Variants in RYR1 observed in about 807,000 individuals in gnomAD.
RYR1 encodes central core disease of muscle.
Under a neutral mutation model 583.5 loss-of-function variants are expected in RYR1, and 342 were observed. The observed-to-expected ratio is 0.59, with a 90% CI of 0.54 to 0.64. The LOEUF (loss-of-function observed/expected upper bound fraction) is 0.64. Among genes scored for constraint, RYR1 ranks in the 30% least tolerant of loss-of-function variants. The probability of loss-of-function intolerance (pLI) is 0.00; values close to 1 mark genes in which losing one functional copy is unlikely to be tolerated. For synonymous variants in RYR1, 2,791 were observed against 2,822.5 expected, an observed-to-expected ratio of 0.99 and a Z score of 0.35; for missense variants, 6,032 against 6,917.2, an observed-to-expected ratio of 0.87 and a Z score of 4.54.
intron 93 of RYR1, 129 bp from the exon 94 acceptor site, chr19:38,570,478 A>C: frequency 2.1e-6 from 1 of 484,062 alleles, no homozygotes; most frequent in African/African-American, 2.0e-5. Flanking sequence ...ATAATTAATA[A>C]ATAAATAGGA....
chr19:38,582,695 G>A (rs1349823112), intron 101 of RYR1, among the ~76,000 whole-genome samples: 1 of 152,176 alleles, frequency 6.6e-6, no homozygotes, highest in Non-Finnish European at 1.5e-5. Context: ...AGCGTTCAAT[G>A]CACATTTATA....
rs1600744141 is a variant in RYR1, at chr19:38,477,888, AGGTGGGAGGTGCAG to A, written c.4454+25_4454+38del. On this transcript the variant is annotated intron_variant, in intron 30 of 105. Coordinates refer to ENST00000359596, the MANE Select transcript of RYR1 (RefSeq NM_000540.3). The stretch of plus-strand genomic sequence containing the variant: ...CACAGCAGGTGCCGGGGCTGGGGGG[AGGTGGGAGGTGCAG>A]GGTGGGGAGGGCAGGAGGCAGTCAG... 3.5e-6 allele frequency: 2 copies of A among 579,586 alleles called. No homozygotes were observed. The highest frequency in any genetic ancestry group is 5.9e-6 in the Non-Finnish European group (2 of 341,440). 35.9% of individuals were successfully genotyped at this position (579,586 alleles called of 1,614,324 possible).
chr19:38,583,502 AGTT>A (rs1274839137), intron 101 of RYR1, among the ~76,000 whole-genome samples: 2 of 149,956 alleles, frequency 1.3e-5, no homozygotes, highest in Non-Finnish European at 3.0e-5. Context: ...ACATATGTAA[AGTT>A]GTTCCCAAAT....
rs747880466 is a variant in RYR1 at position 38,572,080 on chromosome 19, G to A, written c.13808G>A (p.Gly4603Asp). The A allele has an allele frequency of 3.1e-6, 5 of 1,614,180 alleles. No homozygotes were observed. Among genetic ancestry groups the A allele is most frequent in the Non-Finnish European group, 4.2e-6 (5 of 1,180,038 alleles). ...MEGSAAGDVS[G>D]AGSGGSSGWG... ...GGCTCAGCTGCTGGGGATGTGTCAG[G>A]TGCAGGCTCTGGTGGCAGCTCTGGC... Residue 4603 changes from glycine to aspartate, a missense_variant, in exon 95 of 106, where the codon GGT becomes GAT. Coordinates refer to ENST00000359596, the MANE Select transcript of RYR1 (RefSeq NM_000540.3).
chr19:38,578,097 A>C, intron 98 of RYR1, 47 bp from the exon 99 acceptor site: 1 of 1,613,434 alleles, frequency 6.2e-7, no homozygotes, highest in Non-Finnish European at 8.5e-7. Flanking sequence ...AGGGGAGGTG[A>C]CTGGAGTCTG....
At chr19:38,572,302 G>C (rs1010677217) in intron 95 of RYR1, 32 bp downstream of exon 95, 2 of 794,668 alleles carry the variant, frequency 2.5e-6, no homozygotes, top group African/African-American at 2.4e-5. Context: ...TGGGGCAAGG[G>C]CTTATTGGCT....
chr19:38,565,520 C>G lies in RYR1; in HGVS notation c.13186C>G (p.Pro4396Ala). Residue 4396 changes from proline (P) to alanine (A), a missense_variant, in exon 91 of 106, where the codon CCG becomes GCG. Physicochemically the swap from Pro to Ala is conservative, Grantham distance 27. This residue lies in a region of RYR1 where 753 missense variants were observed against 759.6 expected (regional missense o/e 0.99). Transcript: ENST00000359596. The surrounding 1 kb of genome is among the most constrained non-coding windows in gnomAD (Gnocchi z 4.7). ...PTSDEVHGEQ[P>A]AGPGGDADGE... is the part of the protein sequence containing the mutation. ...CAGCGACGAGGTGCACGGCGAGCAG[C>G]CGGCCGGGCCGGGCGGAGACGCAGA... is the stretch of plus-strand genomic sequence containing the variant. 1 of 1,503,100 alleles carries G rather than the reference C, an allele frequency of 6.7e-7. No homozygotes were observed. The highest frequency in any genetic ancestry group is 8.8e-7 in the Non-Finnish European group (1 of 1,133,432). 93.1% of individuals were successfully genotyped at this position (1,503,100 alleles called of 1,614,324 possible). A position where few individuals can be genotyped will look rare whatever the true frequency, so the allele number is the denominator to read the frequency against.
chr19:38,463,910 C>A, intron 22 of RYR1, 60 bp downstream of exon 22: 2 of 1,216,928 alleles, frequency 1.6e-6, no homozygotes, highest in African/African-American at 1.5e-5. Flanking sequence ...GGGAGGGAGG[C>A]ATGGAGAGAC....
At chr19:38,468,163 A>G (rs575021939) in intron 25 of RYR1, among the ~76,000 whole-genome samples, 13 of 150,934 alleles carry the variant, frequency 8.6e-5, no homozygotes, top group Non-Finnish European at 1.6e-4. Context: ...TCTACAAAAA[A>G]TAAAAAAATT....
chr19:38,559,881 CAG>C (rs1973047978), intron 89 of RYR1, among the ~76,000 whole-genome samples: 1 of 151,590 alleles, frequency 6.6e-6, no homozygotes, highest in African/African-American at 2.4e-5. Flanking sequence ...TAGAACACTG[CAG>C]AGTGTGCTAC....
chr19:38,496,545 A>G lies in RYR1; in HGVS notation c.6796+4A>G, dbSNP rs770359986. On this transcript the variant is annotated splice_donor_region_variant and intron_variant, in intron 41 of 105. Transcript: ENST00000359596. This position sits in a 1 kb window ranked among gnomAD's most constrained non-coding sequence, Gnocchi z 4.8. ...GAGAACAGTGGCATCGGCCTGGGTG[A>G]GAACCCCCGAGCCCAGGGGCTGTCC... The G allele has an allele frequency of 1.9e-6, 3 of 1,613,196 alleles. No homozygotes were observed. Among genetic ancestry groups the G allele is most frequent in the Non-Finnish European group, 2.5e-6 (3 of 1,180,018 alleles).
Position 38,457,545 on chromosome 19 carries a change from C to A in RYR1, c.1840C>A (p.Arg614Ser). ...SLCVCNGVAV[R>S]SNQDLITENL... ...GTGTGTGTGTAATGGTGTGGCTGTA[C>A]GCTCCAACCAAGATCTTATTACTGA... is the stretch of plus-strand genomic sequence containing the variant. The change falls in exon 17 of 106, where the codon CGC becomes AGC. Residue 614 changes from arginine (R) to serine (S), a missense_variant. Physicochemically the swap from Arg to Ser is moderately radical, Grantham distance 110. This residue lies in a region of RYR1 where 2,627 missense variants were observed against 2,961.3 expected (regional missense o/e 0.89). Transcript: ENST00000359596. 1 of 1,614,054 alleles carries A rather than the reference C, an allele frequency of 6.2e-7. No homozygotes were observed. Among genetic ancestry groups the A allele is most frequent in the Non-Finnish European group, 8.5e-7 (1 of 1,180,012 alleles).
In RYR1 at chr19:38,446,533, C is replaced by A. The variant is rs960734552; in HGVS notation, c.693C>A (p.Thr231=). The A allele has an allele frequency of 3.1e-6, 5 of 1,614,060 alleles. No individual in the cohort carries two copies. In the African/African-American group the frequency reaches 6.7e-5, roughly 22 times the overall value. Residue 231 remains threonine (T), a synonymous_variant, in exon 8 of 106, where the codon ACC becomes ACA. Transcript: ENST00000359596. ...LFHGHMDECL[T]ISPADSDDQR... is the part of the protein sequence containing the mutation. The stretch of plus-strand genomic sequence containing the variant: ...ATGGACATATGGATGAGTGTCTGAC[C>A]ATTTCCCCTGCTGACAGTGATGACC...
Position 38,561,087 on chromosome 19 carries a change from C to T in RYR1, c.12283-26C>T. ...GAGAATTGAGGCTCTCCAGGTCACCCCACTGACCTCCCTGCCCGCCCCCAG... is the reference window on the plus strand; with the variant it reads ...GAGAATTGAGGCTCTCCAGGTCACCTCACTGACCTCCCTGCCCGCCCCCAG... On this transcript the variant is annotated intron_variant, in intron 89 of 105. Coordinates refer to ENST00000359596, the MANE Select transcript of RYR1 (RefSeq NM_000540.3). The surrounding 1 kb of genome is among the most constrained non-coding windows in gnomAD (Gnocchi z 4.8). The T allele has an allele frequency of 6.3e-7, 1 of 1,593,236 alleles. No individual in the cohort carries two copies. Among genetic ancestry groups the T allele is most frequent in the Non-Finnish European group, 8.6e-7 (1 of 1,161,020 alleles).
Position 38,500,434 on chromosome 19 carries a change from C to T in RYR1, c.7324-172C>T, listed in dbSNP as rs1600823587. ...GGTTGGGGGGAACAAGGAGAGAGGT[C>T]GGGACTGGGGTGGGGGGGCACAGGC... On this transcript the variant is annotated intron_variant, in intron 45 of 105. Coordinates refer to ENST00000359596, the MANE Select transcript of RYR1 (RefSeq NM_000540.3). This position sits in a 1 kb window ranked among gnomAD's most constrained non-coding sequence, Gnocchi z 5.9. 3.1e-5 allele frequency among the ~76,000 whole-genome samples: 2 copies of T among 65,360 alleles called. No homozygotes were observed. Among genetic ancestry groups the T allele is most frequent in the African/African-American group, 6.2e-5 (1 of 16,174 alleles). The allele number at this position is 65,360 out of a possible 152,430, so 42.9% of individuals were successfully genotyped here. A position where few individuals can be genotyped will look rare whatever the true frequency, so the allele number is the denominator to read the frequency against.
chr19:38,565,703 A>C lies in RYR1; in HGVS notation c.13369A>C (p.Met4457Leu). The change falls in exon 91 of 106, where the codon ATG becomes CTG. Residue 4457 changes from methionine (M) to leucine (L), a missense_variant. Coordinates refer to ENST00000359596, the MANE Select transcript of RYR1 (RefSeq NM_000540.3). This position sits in a 1 kb window ranked among gnomAD's most constrained non-coding sequence, Gnocchi z 4.7. ...CGAAGGGGCTGGCGGTCTCGGGGAC[A>C]TGGGGGACACGACGCCTGCGGAACC... ...RPEGAGGLGD[M>L]GDTTPAEPPT... The C allele has an allele frequency of 7.0e-7, 1 of 1,423,028 alleles. No homozygotes were observed. Among genetic ancestry groups the C allele is most frequent in the South Asian group, 1.5e-5 (1 of 67,812 alleles). The allele number at this position is 1,423,028 out of a possible 1,614,324, so 88.2% of individuals were successfully genotyped here. A position where few individuals can be genotyped will look rare whatever the true frequency, so the allele number is the denominator to read the frequency against.
At chr19:38,489,030 G>C in intron 34 of RYR1, 147 bp from the exon 35 acceptor site, 1 of 764,538 alleles carries the variant, frequency 1.3e-6, no homozygotes, top group African/African-American at 1.7e-5. Context: ...CAAGGCGGGG[G>C]ATGCCATTCC....
chr19:38,536,864 G>A, intron 83 of RYR1, 97 bp downstream of exon 83: 7 of 1,304,932 alleles, frequency 5.4e-6, no homozygotes, highest in South Asian at 3.6e-5. Context: ...CTGGGACGTG[G>A]AGGGGAGGGA....
At position 38,548,425 on chromosome 19, in the gene RYR1, G is replaced by A; in HGVS notation, c.12282+5G>A. On this transcript the variant is annotated splice_donor_5th_base_variant and intron_variant, in intron 89 of 105. Transcript: ENST00000359596. The stretch of plus-strand genomic sequence containing the variant: ...TCCAAGAAGGACTTCCAGAAGGTGG[G>A]TGTGGGACATCGTGTGGGCCCAGGA... 6.2e-7 allele frequency: 1 copy of A among 1,612,730 alleles called. No individual in the cohort carries two copies. Among genetic ancestry groups the A allele is most frequent in the Non-Finnish European group, 8.5e-7 (1 of 1,178,790 alleles).
Sources: gnomAD v4.1 joint callset for allele counts (sites outside exome capture counted in the v4.1 genomes callset) on GRCh38, gnomAD v4.1.1 for gene constraint, gnomAD v4.1.1 regional missense constraint, Gnocchi (gnomAD v3.1) non-coding constraint, MANE v1.5 for transcripts, NCBI Gene and HGNC (gene_info 2026-07-23, HGNC 2026-07-21) for gene names.